The following TNR variants were observed in gnomAD, a reference collection of about 807,000 sequenced individuals.
The protein encoded by TNR is tenascin R.
Under a neutral mutation model 150.4 loss-of-function variants are expected in TNR, and 45 were observed. That is an observed-to-expected ratio of 0.30 (90% CI 0.24 to 0.38). The LOEUF (loss-of-function observed/expected upper bound fraction) is 0.38, where lower values mean the gene tolerates loss of function less well. Ranked by LOEUF, TNR falls within the 10% of genes least tolerant of loss-of-function variation. The pLI, the probability that TNR is intolerant of heterozygous loss-of-function variation, is 1.00. For missense variants in TNR, 1,544 were observed against 1,759.1 expected, an observed-to-expected ratio of 0.88 and a Z score of 2.19; for synonymous variants, 687 against 678.4, an observed-to-expected ratio of 1.01 and a Z score of -0.20.
chr1:175,370,850 A>G (rs886736115), intron 9 of TNR, among the ~76,000 whole-genome samples: 4 of 152,222 alleles, frequency 2.6e-5, no homozygotes, highest in African/African-American at 9.6e-5. Flanking sequence ...TGAAGCTTAA[A>G]TGAAATGTTC....
intron 1 of TNR, among the ~76,000 whole-genome samples, chr1:175,577,636 T>A (rs891752224): frequency 6.6e-6 from 1 of 152,070 alleles, no homozygotes; most frequent in Non-Finnish European, 1.5e-5. Context: ...GCAGCTATCA[T>A]ACTGACCCTT....
At chr1:175,437,933 G>A (rs1655589463) in intron 2 of TNR, among the ~76,000 whole-genome samples, 1 of 152,146 alleles carries the variant, frequency 6.6e-6, no homozygotes. Flanking sequence ...ATGCCCAGCT[G>A]AATTCTACCA....
intron 2 of TNR, among the ~76,000 whole-genome samples, chr1:175,410,973 G>T (rs1159707433): frequency 6.6e-6 from 1 of 152,174 alleles, no homozygotes; most frequent in East Asian, 1.9e-4. Flanking sequence ...TTTAGGTGGA[G>T]AAGGCCAAAG....
chr1:175,473,861 T>A (rs1657406824), intron 2 of TNR, among the ~76,000 whole-genome samples: 1 of 152,164 alleles, frequency 6.6e-6, no homozygotes, highest in African/African-American at 2.4e-5. Context: ...CAGGTCTTTG[T>A]AATAAAAAAT....
intron 1 of TNR, among the ~76,000 whole-genome samples, chr1:175,692,587 A>G (rs567631890): frequency 2.0e-5 from 3 of 152,190 alleles, no homozygotes; most frequent in Non-Finnish European, 4.4e-5. Context: ...AGTTGAGAGA[A>G]CACCATGGGC....
intron 1 of TNR, among the ~76,000 whole-genome samples, chr1:175,575,953 C>A (rs1288592626): frequency 1.3e-5 from 2 of 152,186 alleles, no homozygotes; most frequent in East Asian, 3.9e-4. Flanking sequence ...ATGGCCCAGG[C>A]CTGCTCTGCT....
rs564568265 is a variant in TNR at position 175,635,522 on chromosome 1, G to T, written c.-164-107153C>A. On this transcript the variant is annotated intron_variant, in intron 1 of 22. Coordinates refer to ENST00000367674, the MANE Select transcript of TNR (RefSeq NM_003285.3). Reference sequence around the variant, plus strand: ...TCAAGTGCTTGGCAGGAGATACGAAGTAGCAAGGAGGTAATTATCTTGTAT... The same window carrying T: ...TCAAGTGCTTGGCAGGAGATACGAATTAGCAAGGAGGTAATTATCTTGTAT... Among the ~76,000 whole-genome samples the T allele has an allele frequency of 5.3e-5, 8 of 152,314 alleles. No individual in the cohort carries two copies. In the East Asian group the frequency reaches 1.5e-3, roughly 29 times the overall value.
Position 175,379,243 on chromosome 1 carries a change from G to A in TNR, c.1963+309C>T, listed in dbSNP as rs13376293. Among the ~76,000 whole-genome samples the A allele has an allele frequency of 2.6e-3, 394 of 151,750 alleles. 4 individuals carry two copies. Among genetic ancestry groups the A allele is most frequent in the African/African-American group, 9.1e-3 (376 of 41,354 alleles). Reference sequence around the variant, plus strand: ...TGAAGAGTGGGCCAGGAGACAATGTGAGGGGGTTATTGCAATGGTTAAGAT... The same window carrying A: ...TGAAGAGTGGGCCAGGAGACAATGTAAGGGGGTTATTGCAATGGTTAAGAT... On this transcript the variant is annotated intron_variant, in intron 9 of 22. Transcript: ENST00000367674.
intron 2 of TNR, among the ~76,000 whole-genome samples, chr1:175,427,245 T>G (rs186523445): frequency 5.3e-4 from 81 of 151,952 alleles, no homozygotes; most frequent in East Asian, 3.9e-3. Context: ...GTCCAATGAC[T>G]ATACAAGTCA....
At chr1:175,577,743 T>C (rs754287713) in intron 1 of TNR, among the ~76,000 whole-genome samples, 1 of 152,276 alleles carries the variant, frequency 6.6e-6, no homozygotes, top group Middle Eastern at 3.4e-3. Flanking sequence ...CCATTGGCCT[T>C]TCCTGCACTG....
At chr1:175,686,846 T>C (rs893313328) in intron 1 of TNR, among the ~76,000 whole-genome samples, 1 of 152,212 alleles carries the variant, frequency 6.6e-6, no homozygotes, top group Non-Finnish European at 1.5e-5. Flanking sequence ...CTGCGTAGTA[T>C]TCCATGGTGT....
At chr1:175,655,813 T>G (rs1474228817) in intron 1 of TNR, among the ~76,000 whole-genome samples, 1 of 152,138 alleles carries the variant, frequency 6.6e-6, no homozygotes, top group Non-Finnish European at 1.5e-5. Flanking sequence ...AACAGGGAAG[T>G]CAGAGAGAGG....
chr1:175,439,231 A>G (rs1655667401), intron 2 of TNR, among the ~76,000 whole-genome samples: 1 of 151,874 alleles, frequency 6.6e-6, no homozygotes. Context: ...CATATCTACA[A>G]CTATCTGATC....
chr1:175,712,246 C>T (rs907879909), intron 1 of TNR, among the ~76,000 whole-genome samples: 2 of 152,096 alleles, frequency 1.3e-5, no homozygotes, highest in Non-Finnish European at 2.9e-5. Context: ...GTATCTTGCC[C>T]AAGCTCACAC....
intron 2 of TNR, among the ~76,000 whole-genome samples, chr1:175,419,008 A>G (rs1654633981): frequency 6.6e-6 from 1 of 152,228 alleles, no homozygotes; most frequent in South Asian, 2.1e-4. Flanking sequence ...TGAAAAACAT[A>G]AAAGATTTTT....
intron 2 of TNR, among the ~76,000 whole-genome samples, chr1:175,485,510 A>T (rs964939247): frequency 1.2e-4 from 18 of 152,302 alleles, no homozygotes; most frequent in African/African-American, 4.3e-4. Flanking sequence ...ATCCAATTTC[A>T]GGGTCCTCAA....
At chr1:175,394,776 G>A (rs2859039) in intron 5 of TNR, among the ~76,000 whole-genome samples, 102,775 of 152,114 alleles carry the variant, frequency 0.68, 34,992 homozygotes, top group East Asian at 0.83. Context: ...CTGACTGCAA[G>A]CCCACTTGAA....
chr1:175,388,083 C>T (rs859443), intron 7 of TNR, among the ~76,000 whole-genome samples: 100,747 of 152,088 alleles, frequency 0.66, 33,584 homozygotes, highest in East Asian at 0.83. Flanking sequence ...TTAGGCCTTT[C>T]ACATTTAATT....
rs73036274 is a variant in TNR at position 175,355,353 on chromosome 1, G to T, written c.3249+150C>A. The T allele has an allele frequency of 6.9e-4, 746 of 1,080,102 alleles. 5 individuals are homozygous for T. The African/African-American group carries it at 0.011, about 16-fold the overall frequency. 66.9% of individuals were successfully genotyped at this position (1,080,102 alleles called of 1,614,324 possible). On this transcript the variant is annotated intron_variant, in intron 17 of 22. Transcript: ENST00000367674. ...ACTAGGGCTCTCTCATCAACAGCAG[G>T]CTGGGTATCCTTGATGGGAAGCTGA... is the stretch of plus-strand genomic sequence containing the variant.
Sources: gnomAD v4.1 joint callset for allele counts (sites outside exome capture counted in the v4.1 genomes callset) on GRCh38, gnomAD v4.1.1 for gene constraint, MANE v1.5 for transcripts, NCBI Gene and HGNC (gene_info 2026-07-23, HGNC 2026-07-21) for gene names.